AIM2: variants seen among roughly 807,000 people sequenced by gnomAD.
AIM2 encodes absent in melanoma 2, also known as interferon-inducible protein AIM2.
In AIM2, 30 loss-of-function variants were observed where a neutral mutation model predicts 27.7. The ratio of observed to expected loss-of-function variants is 1.08; its 90% CI spans 0.81 to 1.47. The LOEUF is 1.47. Among genes scored for constraint, AIM2 ranks in the 40% most tolerant of loss-of-function variants. The probability of loss-of-function intolerance (pLI) is 0.00; values close to 1 mark genes in which losing one functional copy is unlikely to be tolerated. For synonymous variants in AIM2, 141 were observed against 145.3 expected (o/e 0.97, Z 0.21); for missense variants, 358 against 411.3 (o/e 0.87, Z 1.12).
chr1:159,075,611 TAGAG>T lies in AIM2; in HGVS notation c.-21+1018_-21+1021del, dbSNP rs368061118. On this transcript the variant is annotated intron_variant, in intron 1 of 5. Transcript: ENST00000368130. ...GCTATACCTGCTATATATATATATATAGAGAGAGAGAGAGAGAGAGAGAGCTAAT... is the reference window on the plus strand; with the variant it reads ...GCTATACCTGCTATATATATATATATAGAGAGAGAGAGAGAGAGAGCTAAT... Among the ~76,000 whole-genome samples, 437 of 145,760 alleles carry T rather than the reference TAGAG, an allele frequency of 3.0e-3. 6 individuals are homozygous for T. The highest frequency in any genetic ancestry group is 7.9e-3 in the African/African-American group (312 of 39,282).
At chr1:159,112,427 T>C (rs535083710) in intron 1 of AIM2, among the ~76,000 whole-genome samples, 1 of 152,082 alleles carries the variant, frequency 6.6e-6, no homozygotes, top group Non-Finnish European at 1.5e-5. Flanking sequence ...TTAACAGATA[T>C]AAACAAAAAT....
At chr1:159,056,320 C>T in the AIM2 span, among the ~76,000 whole-genome samples, 1 of 152,148 alleles carries the variant, frequency 6.6e-6, no homozygotes, top group African/African-American at 2.4e-5. Flanking sequence ...CCCCAGTGCA[C>T]ACTCCTCCCA....
chr1:159,056,717 CAAA>C, the AIM2 span, among the ~76,000 whole-genome samples: 14 of 44,182 alleles, frequency 3.2e-4, no homozygotes, highest in Admixed American at 1.8e-3. Context: ...GCCCAACCGG[CAAA>C]AAAAAAAAAA....
intron 1 of AIM2, among the ~76,000 whole-genome samples, chr1:159,092,505 A>G (rs980116171): frequency 5.9e-5 from 9 of 152,174 alleles, no homozygotes; most frequent in African/African-American, 1.2e-4. Context: ...GACAAGGAAG[A>G]ACACGGTGAA....
intron 1 of AIM2, among the ~76,000 whole-genome samples, chr1:159,132,058 C>A (rs564366307): frequency 4.6e-4 from 70 of 152,156 alleles, no homozygotes; most frequent in African/African-American, 1.5e-3. Flanking sequence ...TGTGCAAAAT[C>A]ACTGACTTGC....
intron 3 of AIM2, among the ~76,000 whole-genome samples, chr1:159,068,299 G>C (rs1427592374): frequency 2.0e-4 from 30 of 152,152 alleles, no homozygotes; most frequent in Admixed American, 2.0e-3. Flanking sequence ...GTAAACAACG[G>C]TCTATCTCAG....
rs541231087 is a variant in AIM2 at position 159,114,899 on chromosome 1, G to A, written c.-16+25532C>T. On this transcript the variant is annotated intron_variant, in intron 1 of 2. Transcript: ENST00000368129. The stretch of plus-strand genomic sequence containing the variant: ...GAAAAGAGGACGTCAAATTGTCCCT[G>A]TTTGCAGATGACATGATTGTATATC... Among the ~76,000 whole-genome samples, 83 of 152,294 alleles carry A rather than the reference G, an allele frequency of 5.4e-4. 2 individuals are homozygous for A. In the East Asian group the frequency reaches 0.015, roughly 27 times the overall value.
intron 1 of AIM2, among the ~76,000 whole-genome samples, chr1:159,089,335 A>G (rs994472455): frequency 1.3e-5 from 2 of 152,210 alleles, no homozygotes; most frequent in African/African-American, 4.8e-5. Flanking sequence ...ATAAGATTTG[A>G]ACTTCATCTG....
intron 1 of AIM2, among the ~76,000 whole-genome samples, chr1:159,105,175 C>T (rs777611999): frequency 9.9e-5 from 15 of 152,248 alleles, no homozygotes; most frequent in Admixed American, 2.0e-4. Flanking sequence ...GGCACTCCAG[C>T]TGCTGCGGCA....
chr1:159,106,372 A>G (rs898171846), intron 1 of AIM2, among the ~76,000 whole-genome samples: 6 of 152,238 alleles, frequency 3.9e-5, no homozygotes, highest in African/African-American at 1.4e-4. Flanking sequence ...TTCCGCTGCT[A>G]TCACATGTAA....
chr1:159,107,490 A>AT (rs968209262), intron 1 of AIM2, among the ~76,000 whole-genome samples: 5 of 152,158 alleles, frequency 3.3e-5, no homozygotes, highest in Admixed American at 6.5e-5. Context: ...GAAGGAGTTG[A>AT]TTATGCAGCC....
At chr1:159,108,765 C>G (rs1191850782) in intron 1 of AIM2, among the ~76,000 whole-genome samples, 1 of 152,092 alleles carries the variant, frequency 6.6e-6, no homozygotes, top group Non-Finnish European at 1.5e-5. Flanking sequence ...AGCTGAGAAT[C>G]AAATCAAGAA....
upstream of AIM2, among the ~76,000 whole-genome samples, chr1:159,142,752 G>A (rs970884967): frequency 3.9e-5 from 6 of 152,150 alleles, no homozygotes; most frequent in Admixed American, 1.3e-4. Flanking sequence ...CATAATCACC[G>A]TTGTTTATAA....
intron 1 of AIM2, among the ~76,000 whole-genome samples, chr1:159,089,768 G>A (rs1399361175): frequency 6.6e-6 from 1 of 152,114 alleles, no homozygotes; most frequent in Non-Finnish European, 1.5e-5. Flanking sequence ...GGTTTCCTAC[G>A]ACGAAGTTAT....
At chr1:159,141,560 A>G (rs557010553), upstream of AIM2, among the ~76,000 whole-genome samples, 121 of 152,198 alleles carry the variant, frequency 8.0e-4, no homozygotes, top group Middle Eastern at 3.4e-3. Context: ...AAATATAATT[A>G]TCAACCTAGC....
At chr1:159,077,144 A>C (rs1277443599), upstream of AIM2, among the ~76,000 whole-genome samples, 2 of 152,242 alleles carry the variant, frequency 1.3e-5, no homozygotes, top group Admixed American at 6.5e-5. Context: ...AATGAGACCC[A>C]AGCGAAAGTA....
chr1:159,105,405 G>A (rs1657416361), intron 1 of AIM2, among the ~76,000 whole-genome samples: 1 of 152,118 alleles, frequency 6.6e-6, no homozygotes, highest in Non-Finnish European at 1.5e-5. Context: ...CTGCAACATA[G>A]TGAGTGGGGG....
chr1:159,111,220 A>T (rs1388452084), intron 1 of AIM2, among the ~76,000 whole-genome samples: 1 of 152,218 alleles, frequency 6.6e-6, no homozygotes, highest in Non-Finnish European at 1.5e-5. Flanking sequence ...CTAACAGCAA[A>T]GTGAATAGGA....
At chr1:159,069,337 A>G (rs2101976888) in intron 2 of AIM2, among the ~76,000 whole-genome samples, 1 of 152,314 alleles carries the variant, frequency 6.6e-6, no homozygotes, top group East Asian at 1.9e-4. Flanking sequence ...AAAGATAAGT[A>G]TATAAGGCTT....
Sources: allele counts gnomAD v4.1 joint callset (sites outside exome capture counted in the v4.1 genomes callset), GRCh38; gene constraint gnomAD v4.1.1; transcripts MANE v1.5; gene names NCBI Gene and HGNC (gene_info 2026-07-23, HGNC 2026-07-21).